Variants in KIAA1671 observed in about 807,000 individuals in gnomAD.
KIAA1671 encodes uncharacterized protein KIAA1671.
KIAA1671 carries 52 observed loss-of-function variants against 131.2 expected under a neutral mutation model. That is an observed-to-expected ratio of 0.40 (90% confidence interval 0.32 to 0.50). The LOEUF (loss-of-function observed/expected upper bound fraction) is 0.50. Among genes scored for constraint, KIAA1671 ranks in the 20% least tolerant of loss-of-function variants. The probability of loss-of-function intolerance (pLI) is 0.73; values close to 1 mark genes in which losing one functional copy is unlikely to be tolerated. For missense variants in KIAA1671, 2,360 were observed against 2,364.2 expected, an observed-to-expected ratio of 1.00 and a Z score of 0.04; for synonymous variants, 1,003 against 961.6, an observed-to-expected ratio of 1.04 and a Z score of -0.80.
intron 6 of KIAA1671, among the ~76,000 whole-genome samples, chr22:25,099,263 T>G (rs974363461): frequency 1.4e-4 from 21 of 152,148 alleles, no homozygotes; most frequent in Non-Finnish European, 3.1e-4. Context: ...TTTTCTCCCC[T>G]TTTAAAGGCA....
Position 25,029,387 on chromosome 22 carries a change from C to T in KIAA1671, c.1388C>T (p.Pro463Leu). 1 of 1,551,476 alleles carries T rather than the reference C, an allele frequency of 6.4e-7. No homozygotes were observed. Among genetic ancestry groups the T allele is most frequent in the Non-Finnish European group, 8.7e-7 (1 of 1,146,872 alleles). ...AVGSESPLAT[P>L]ASPSAAPEPE... ...GGGTCTGAATCTCCCCTGGCCACCC[C>T]TGCGTCCCCATCGGCGGCACCAGAG... Residue 463 changes from proline to leucine, a missense_variant, in exon 3 of 13, where the codon CCT becomes CTT. Physicochemically the swap from Pro to Leu is moderately conservative, Grantham distance 98 (BLOSUM62 -3). Coordinates refer to ENST00000358431, the MANE Select transcript of KIAA1671 (RefSeq NM_001145206.2).
intron 6 of KIAA1671, among the ~76,000 whole-genome samples, chr22:25,108,656 G>C (rs1432577440): frequency 6.6e-6 from 1 of 152,102 alleles, no homozygotes; most frequent in Non-Finnish European, 1.5e-5. Flanking sequence ...AATACTTCTG[G>C]ATATATCAAT....
intron 1 of KIAA1671, chr22:25,012,699 A>C (rs1243082995): frequency 1.3e-5 from 2 of 152,184 alleles, no homozygotes; most frequent in African/African-American, 4.8e-5. Flanking sequence ...AATACAATAA[A>C]AACAATCAGC....
chr22:25,065,627 G>T (rs546204924), intron 6 of KIAA1671, among the ~76,000 whole-genome samples: 169 of 151,326 alleles, frequency 1.1e-3, no homozygotes, highest in African/African-American at 3.8e-3. Flanking sequence ...TTTTTTTAAA[G>T]AATTATTATT....
intron 6 of KIAA1671, among the ~76,000 whole-genome samples, chr22:25,133,133 C>T (rs1348221693): frequency 6.6e-6 from 1 of 151,170 alleles, no homozygotes; most frequent in Non-Finnish European, 1.5e-5. Context: ...TAATGCAGGA[C>T]TTTTCAGAGC....
At chr22:25,011,809 G>A (rs920152552) in intron 1 of KIAA1671, 2 of 151,138 alleles carry the variant, frequency 1.3e-5, no homozygotes, top group African/African-American at 4.9e-5. Context: ...GGCTAATTTT[G>A]TATTTTTAGT....
intron 6 of KIAA1671, among the ~76,000 whole-genome samples, chr22:25,141,670 T>G (rs1932809445): frequency 6.6e-6 from 1 of 152,186 alleles, no homozygotes; most frequent in African/African-American, 2.4e-5. Flanking sequence ...GTGACATATC[T>G]CTTTTCTAAC....
chr22:24,975,729 G>T (rs929335087), intron 1 of KIAA1671, among the ~76,000 whole-genome samples: 1 of 152,142 alleles, frequency 6.6e-6, no homozygotes, highest in Admixed American at 6.5e-5. Flanking sequence ...AGGCAGTATT[G>T]ATCTCTTTTT....
intron 6 of KIAA1671, among the ~76,000 whole-genome samples, chr22:25,170,481 G>A (rs1206551430): frequency 4.6e-5 from 7 of 152,200 alleles, no homozygotes; most frequent in Non-Finnish European, 4.4e-5. Flanking sequence ...CTGAAGATGA[G>A]AGAAGTGTGC....
chr22:25,140,766 G>T (rs185878418), intron 6 of KIAA1671, among the ~76,000 whole-genome samples: 2 of 152,304 alleles, frequency 1.3e-5, no homozygotes, highest in Admixed American at 1.3e-4. Context: ...CTTATTCTGT[G>T]TATGACAGGC....
At chr22:25,135,438 G>A (rs112942894) in intron 6 of KIAA1671, among the ~76,000 whole-genome samples, 3,043 of 152,210 alleles carry the variant, frequency 0.02, 44 homozygotes, top group Middle Eastern at 0.058. Flanking sequence ...CACCTGCCTC[G>A]GTCTCCCAAA....
intron 12 of KIAA1671, 143 bp downstream of exon 12, chr22:25,190,927 T>A (rs1601398386): frequency 4.3e-5 from 24 of 561,302 alleles, no homozygotes; most frequent in East Asian, 6.8e-5. Context: ...GGGTGGGGGG[T>A]GTTCTGAGTT....
intron 1 of KIAA1671, among the ~76,000 whole-genome samples, chr22:24,982,473 G>T (rs1923288520): frequency 6.6e-6 from 1 of 152,214 alleles, no homozygotes; most frequent in Admixed American, 6.5e-5. Context: ...CCATTCTCTG[G>T]ACTGTGTGCC....
intron 1 of KIAA1671, among the ~76,000 whole-genome samples, chr22:25,019,799 T>C (rs975081475): frequency 1.3e-4 from 20 of 152,288 alleles, no homozygotes; most frequent in African/African-American, 4.6e-4. Context: ...TTCCCTATTA[T>C]AGTTAAGGCA....
chr22:24,995,110 G>C (rs1924047282), intron 1 of KIAA1671, among the ~76,000 whole-genome samples: 1 of 151,260 alleles, frequency 6.6e-6, no homozygotes, highest in African/African-American at 2.4e-5. Context: ...GAGTGCAGTG[G>C]CGCGATCTCA....
In KIAA1671 at chr22:25,039,555, A is replaced by G; in HGVS notation, c.2425A>G (p.Ser809Gly). ...IWEARGMPEA[S>G]GPKFGGNCPF... ...GGAAGCTCGAGGCATGCCTGAGGCT[A>G]GTGGACCGAAGTTTGGGGGCAATTG... The change falls in exon 5 of 13, where the codon AGT becomes GGT. Residue 809 changes from serine to glycine, a missense_variant. Physicochemically the swap from Ser to Gly is moderately conservative, Grantham distance 56. Coordinates refer to ENST00000358431, the MANE Select transcript of KIAA1671 (RefSeq NM_001145206.2). 2 of 1,551,792 alleles carry G rather than the reference A, an allele frequency of 1.3e-6. No homozygotes were observed. The highest frequency in any genetic ancestry group is 1.7e-6 in the Non-Finnish European group (2 of 1,147,014).
intron 6 of KIAA1671, among the ~76,000 whole-genome samples, chr22:25,114,611 G>A (rs150927717): frequency 2.0e-5 from 3 of 152,314 alleles, no homozygotes; most frequent in African/African-American, 7.2e-5. Context: ...GTGAAATGGG[G>A]ATGATCGTGC....
chr22:25,185,697 A>G (rs1934455405), intron 11 of KIAA1671: 3 of 152,458 alleles, frequency 2.0e-5, no homozygotes, highest in African/African-American at 7.2e-5. Flanking sequence ...AGGGGATCTA[A>G]GGTCACACAG....
At chr22:25,083,249 C>A (rs577371686) in intron 6 of KIAA1671, among the ~76,000 whole-genome samples, 1 of 152,326 alleles carries the variant, frequency 6.6e-6, no homozygotes, top group Non-Finnish European at 1.5e-5. Flanking sequence ...ACCATCTTCC[C>A]TCTGCGTGTG....
Sources: allele counts gnomAD v4.1 joint callset (sites outside exome capture counted in the v4.1 genomes callset), GRCh38; gene constraint gnomAD v4.1.1; transcripts MANE v1.5; gene names NCBI Gene and HGNC (gene_info 2026-07-23, HGNC 2026-07-21).